The following RORA variants were observed in gnomAD, a reference collection of about 807,000 sequenced individuals.
RORA encodes the protein RAR related orphan receptor A, also known as nuclear receptor ROR-alpha.
In RORA, 7 loss-of-function variants were observed where a neutral mutation model predicts 69.5. The ratio of observed to expected loss-of-function variants is 0.10; its 90% confidence interval spans 0.06 to 0.19. RORA has a LOEUF of 0.19. RORA is among the 10% of genes least tolerant of loss of function. The pLI, the probability that RORA is intolerant of heterozygous loss-of-function variation, is 1.00. For synonymous variants in RORA, 261 were observed against 240.8 expected (o/e 1.08, Z -0.78); for missense variants, 457 against 663.0 (o/e 0.69, Z 3.41).
At chr15:60,649,116 G>A (rs1034522762) in intron 2 of RORA, among the ~76,000 whole-genome samples, 1 of 151,962 alleles carries the variant, frequency 6.6e-6, no homozygotes, top group Non-Finnish European at 1.5e-5. Flanking sequence ...GCCATAGCCC[G>A]TCACTTTTGT....
At chr15:61,036,608 A>G (rs1896469958) in intron 1 of RORA, among the ~76,000 whole-genome samples, 1 of 152,088 alleles carries the variant, frequency 6.6e-6, no homozygotes, top group South Asian at 2.1e-4. Context: ...CTGTTCCATT[A>G]AACACTCATT....
intron 1 of RORA, among the ~76,000 whole-genome samples, chr15:61,166,182 T>C (rs2079538565): frequency 6.6e-6 from 1 of 152,120 alleles, no homozygotes; most frequent in Non-Finnish European, 1.5e-5. Flanking sequence ...ACTGAAACAT[T>C]TCAAGAACTC....
chr15:60,736,547 A>G (rs147858045), intron 1 of RORA, among the ~76,000 whole-genome samples: 2 of 152,222 alleles, frequency 1.3e-5, no homozygotes, highest in Non-Finnish European at 2.9e-5. Context: ...GATCTGATAT[A>G]TATTTTTTTC....
At chr15:60,597,597 C>CATATATATATATATATATATACAT (rs1567115498) in intron 2 of RORA, among the ~76,000 whole-genome samples, 27 of 31,290 alleles carry the variant, frequency 8.6e-4, no homozygotes, top group Non-Finnish European at 1.3e-3. Flanking sequence ...TATATATACA[C>CATATATATATATATATATATACAT]ATATATATAT....
chr15:60,778,561 C>G (rs1417967668), intron 1 of RORA, among the ~76,000 whole-genome samples: 1 of 151,936 alleles, frequency 6.6e-6, no homozygotes, highest in African/African-American at 2.4e-5. Context: ...TCTTTAATGC[C>G]TTATGTACAA....
intron 1 of RORA, among the ~76,000 whole-genome samples, chr15:60,788,562 G>A (rs369100721): frequency 2.1e-4 from 32 of 152,304 alleles, no homozygotes; most frequent in African/African-American, 4.6e-4. Flanking sequence ...AGAAGAAGCC[G>A]CCTCAGCAAA....
At chr15:61,043,858 A>G (rs1896901072) in intron 1 of RORA, among the ~76,000 whole-genome samples, 1 of 152,050 alleles carries the variant, frequency 6.6e-6, no homozygotes, top group Non-Finnish European at 1.5e-5. Flanking sequence ...GGTGACTCTT[A>G]AGCACTGTGT....
chr15:61,134,857 A>G (rs947024325), intron 1 of RORA, among the ~76,000 whole-genome samples: 6 of 152,010 alleles, frequency 3.9e-5, no homozygotes, highest in African/African-American at 1.4e-4. Context: ...TCACTCCCCA[A>G]TCTTCTACTT....
chr15:60,860,968 A>G (rs911481275), intron 1 of RORA, among the ~76,000 whole-genome samples: 1 of 152,204 alleles, frequency 6.6e-6, no homozygotes, highest in Non-Finnish European at 1.5e-5. Context: ...TGGGAGTGAC[A>G]GATACATCAA....
chr15:60,803,614 G>A (rs2072618349), intron 1 of RORA, among the ~76,000 whole-genome samples: 8 of 152,190 alleles, frequency 5.3e-5, no homozygotes, highest in Admixed American at 5.2e-4. Context: ...GAGGCCTAGC[G>A]TTGCTGCTAA....
At chr15:60,777,839 C>G (rs1056365282) in intron 1 of RORA, among the ~76,000 whole-genome samples, 3 of 152,136 alleles carry the variant, frequency 2.0e-5, no homozygotes, top group African/African-American at 7.2e-5. Flanking sequence ...AACTGCTGAG[C>G]AAGGGGTGTG....
intron 1 of RORA, among the ~76,000 whole-genome samples, chr15:61,025,402 T>G (rs1895756844): frequency 6.6e-6 from 1 of 152,152 alleles, no homozygotes; most frequent in African/African-American, 2.4e-5. Flanking sequence ...TGTGCTTCAG[T>G]GACATGATTC....
intron 1 of RORA, among the ~76,000 whole-genome samples, chr15:60,934,879 T>C (rs898389498): frequency 6.6e-6 from 1 of 152,246 alleles, no homozygotes; most frequent in Non-Finnish European, 1.5e-5. Flanking sequence ...CATCCACCTA[T>C]GCCATTGGCT....
At chr15:60,834,317 G>A (rs892083781) in intron 1 of RORA, among the ~76,000 whole-genome samples, 3 of 152,124 alleles carry the variant, frequency 2.0e-5, no homozygotes, top group African/African-American at 4.8e-5. Context: ...TTAATTCATG[G>A]TAATAAAGTC....
chr15:60,586,141 A>C (rs72748733), intron 2 of RORA, among the ~76,000 whole-genome samples: 4,378 of 152,254 alleles, frequency 0.029, 90 homozygotes, highest in Non-Finnish European at 0.042. Context: ...GTCCACTTTC[A>C]CAAACAATGA....
chr15:61,056,517 A>C (rs751989540), intron 1 of RORA, among the ~76,000 whole-genome samples: 1 of 152,202 alleles, frequency 6.6e-6, no homozygotes, highest in Non-Finnish European at 1.5e-5. Flanking sequence ...ATTTTGGGTA[A>C]ATATGTGTTT....
chr15:60,999,404 G>A (rs949142747), intron 1 of RORA, among the ~76,000 whole-genome samples: 11 of 152,130 alleles, frequency 7.2e-5, no homozygotes, highest in African/African-American at 2.7e-4. Flanking sequence ...TATCTTCCTG[G>A]CACAGACCTG....
intron 2 of RORA, among the ~76,000 whole-genome samples, chr15:60,605,115 T>A (rs1315997852): frequency 6.6e-6 from 1 of 152,194 alleles, no homozygotes; most frequent in Non-Finnish European, 1.5e-5. Context: ...TAGAAGTGGA[T>A]CTTTTGTTAT....
intron 2 of RORA, among the ~76,000 whole-genome samples, chr15:60,590,787 G>C (rs894374598): frequency 5.9e-5 from 9 of 152,142 alleles, no homozygotes; most frequent in African/African-American, 1.9e-4. Flanking sequence ...AAGTGCTTAA[G>C]AGCGCGGATC....
Sources: gnomAD v4.1 joint callset for allele counts (sites outside exome capture counted in the v4.1 genomes callset) on GRCh38, gnomAD v4.1.1 for gene constraint, MANE v1.5 for transcripts, NCBI Gene and HGNC (gene_info 2026-07-23, HGNC 2026-07-21) for gene names.